The following PKHD1L1 variants were observed in gnomAD, a reference collection of about 807,000 sequenced individuals.
The protein encoded by PKHD1L1 is PKHD1 like 1.
A neutral mutation model predicts 462.9 loss-of-function variants in PKHD1L1; 434 were observed. The observed-to-expected ratio is 0.94, with a 90% confidence interval of 0.87 to 1.02. PKHD1L1 has a LOEUF of 1.02. Among genes scored for constraint, PKHD1L1 ranks in the 50% least tolerant of loss-of-function variants. PKHD1L1 has a pLI of 0.00. For synonymous variants in PKHD1L1, 1,781 were observed against 1,750.0 expected (o/e 1.02, Z -0.44); for missense variants, 5,202 against 5,096.1 (o/e 1.02, Z -0.63).
chr8:109,496,838 TAACTTTA>T (rs1358355526), intron 63 of PKHD1L1, 74 bp from the exon 64 acceptor site: 1 of 1,418,460 alleles, frequency 7.0e-7, no homozygotes, highest in Non-Finnish European at 9.6e-7. Context: ...AGAATTTTGT[TAACTTTA>T]ACTGATACTG....
At chr8:109,389,653 G>A (rs778193073) in intron 8 of PKHD1L1, among the ~76,000 whole-genome samples, 5 of 151,926 alleles carry the variant, frequency 3.3e-5, no homozygotes, top group South Asian at 2.1e-4. Context: ...TCAGCTTCCC[G>A]AGTAGCCGGG....
intron 10 of PKHD1L1, 99 bp from the exon 11 acceptor site, chr8:109,395,928 T>G: frequency 9.5e-6 from 7 of 733,368 alleles, no homozygotes; most frequent in Non-Finnish European, 1.6e-5. Flanking sequence ...CTACCTGTGT[T>G]AGGCACTATG....
At position 109,451,087 on chromosome 8, in the gene PKHD1L1, A is replaced by G. The variant is rs776896774; in HGVS notation, c.6288A>G (p.Val2096=). 13 of 1,613,724 alleles carry G rather than the reference A, an allele frequency of 8.1e-6. No individual in the cohort carries two copies. The Admixed American group carries it at 2.2e-4, about 27-fold the overall frequency. The part of the protein sequence containing the change: ...AVSLTPLITA[V]SPKRGSTAGG... Reference sequence around the variant, plus strand: ...CACTGACTCCACTCATCACTGCAGTATCTCCTAAGAGAGGCAGTACAGCAG... The same window carrying G: ...CACTGACTCCACTCATCACTGCAGTGTCTCCTAAGAGAGGCAGTACAGCAG... Residue 2096 remains valine, a synonymous_variant, in exon 41 of 78, where the codon GTA becomes GTG. Coordinates refer to ENST00000378402, the MANE Select transcript of PKHD1L1 (RefSeq NM_177531.6).
intron 2 of PKHD1L1, among the ~76,000 whole-genome samples, chr8:109,370,417 G>T (rs1811441257): frequency 6.6e-6 from 1 of 151,838 alleles, no homozygotes; most frequent in Non-Finnish European, 1.5e-5. Context: ...CCTGGCCTCT[G>T]TGTTATTTTT....
Position 109,476,560 on chromosome 8 carries a change from T to A in PKHD1L1, c.8810T>A (p.Phe2937Tyr). The A allele has an allele frequency of 6.5e-7, 1 of 1,547,294 alleles. No homozygotes were observed. Among genetic ancestry groups the A allele is most frequent in the East Asian group, 2.3e-5 (1 of 43,212 alleles). The change falls in exon 52 of 78, where the codon TTT becomes TAT. Residue 2937 changes from phenylalanine (F) to tyrosine (Y), a missense_variant. Physicochemically the swap from Phe to Tyr is conservative, Grantham distance 22 (BLOSUM62 3). Coordinates refer to ENST00000378402, the MANE Select transcript of PKHD1L1 (RefSeq NM_177531.6). ...SHNFTQNPDMFNIIDMRNGSS... is the reference protein window; with the variant it reads ...SHNFTQNPDMYNIIDMRNGSS... ...AACTTCACTCAAAATCCTGACATGT[T>A]TAATATTATTGATATGAGGAATGGT...
intron 38 of PKHD1L1, among the ~76,000 whole-genome samples, chr8:109,447,646 C>T (rs1816227909): frequency 6.6e-6 from 1 of 152,182 alleles, no homozygotes; most frequent in Non-Finnish European, 1.5e-5. Flanking sequence ...CTATCTTACA[C>T]CCATTTACAT....
In PKHD1L1 at chr8:109,477,246, A is replaced by T; in HGVS notation, c.8939A>T (p.His2980Leu). The T allele has an allele frequency of 6.2e-7, 1 of 1,613,322 alleles. No individual in the cohort carries two copies. Among genetic ancestry groups the T allele is most frequent in the Non-Finnish European group, 8.5e-7 (1 of 1,179,572 alleles). Residue 2980 changes from histidine to leucine, a missense_variant, in exon 53 of 78, where the codon CAT becomes CTT. Transcript: ENST00000378402. ...YYLVSGRNDL[H>L]QSQLISGNLD... is the part of the protein sequence containing the mutation. ...TCAGTGTCAGGAAGAAATGACCTTC[A>T]TCAGAGTCAGCTCATTTCTGGGAAC...
chr8:109,396,108 C>G lies in PKHD1L1; in HGVS notation c.893C>G (p.Thr298Arg), dbSNP rs867962820. The G allele has an allele frequency of 1.1e-5, 18 of 1,608,626 alleles. No individual in the cohort carries two copies. The highest frequency in any genetic ancestry group is 1.4e-5 in the Non-Finnish European group (17 of 1,177,624). Residue 298 changes from threonine (T) to arginine (R), a missense_variant, in exon 11 of 78, where the codon ACA becomes AGA. Transcript: ENST00000378402. ...LTISGRFFDQ[T>R]DFPVRVLVGG... ...ATAAGTGGGCGTTTCTTTGATCAGA[C>G]AGATTTCCCCGTCAGAGTTCTAGTT... is the stretch of plus-strand genomic sequence containing the variant.
chr8:109,437,974 A>T (rs777416785), intron 30 of PKHD1L1, among the ~76,000 whole-genome samples: 7 of 152,304 alleles, frequency 4.6e-5, no homozygotes, highest in Non-Finnish European at 1.0e-4. Flanking sequence ...ATACCTGTCT[A>T]TTTTAAAAGC....
At chr8:109,376,380 T>C (rs1335340097) in intron 2 of PKHD1L1, among the ~76,000 whole-genome samples, 1 of 152,160 alleles carries the variant, frequency 6.6e-6, no homozygotes, top group African/African-American at 2.4e-5. Context: ...GTGACCTGAT[T>C]TTCCAGGTGC....
intron 71 of PKHD1L1, among the ~76,000 whole-genome samples, chr8:109,512,353 A>G (rs890441153): frequency 1.3e-5 from 2 of 151,328 alleles, no homozygotes; most frequent in African/African-American, 4.8e-5. Context: ...TCTTTAATCC[A>G]TCTTGAATTA....
At chr8:109,412,558 G>C (rs1241511816) in intron 20 of PKHD1L1, 144 bp downstream of exon 20, 1 of 805,746 alleles carries the variant, frequency 1.2e-6, no homozygotes, top group East Asian at 2.7e-5. Flanking sequence ...CATTCTGGGT[G>C]CTTGTGGTTT....
At chr8:109,505,237 C>T (rs1202040727) in intron 68 of PKHD1L1, among the ~76,000 whole-genome samples, 1 of 151,968 alleles carries the variant, frequency 6.6e-6, no homozygotes, top group Non-Finnish European at 1.5e-5. Flanking sequence ...AGAGATATCT[C>T]TTATTATTTC....
intron 45 of PKHD1L1, 90 bp downstream of exon 45, chr8:109,454,942 T>C: frequency 7.0e-7 from 1 of 1,423,474 alleles, no homozygotes. Context: ...TAATTTATCC[T>C]GTGATAAAGT....
chr8:109,436,587 G>A, intron 30 of PKHD1L1, 128 bp downstream of exon 30: 2 of 1,422,206 alleles, frequency 1.4e-6, no homozygotes, highest in Admixed American at 5.8e-5. Flanking sequence ...TTTCTATTAT[G>A]CTCCTTAAAA....
Position 109,438,457 on chromosome 8 carries a change from G to A in PKHD1L1, c.3760+1G>A, listed in dbSNP as rs1457385395. Reference sequence around the variant, plus strand: ...AGTCCAAAAGTACGAACAATACTAGGTAAGAAATTCTTCAATAAGATTGGT... The same window carrying A: ...AGTCCAAAAGTACGAACAATACTAGATAAGAAATTCTTCAATAAGATTGGT... On this transcript the variant is annotated splice_donor_variant, in intron 31 of 77. Transcript: ENST00000378402. LOFTEE classifies it high-confidence loss of function. 3 of 1,532,086 alleles carry A rather than the reference G, an allele frequency of 2.0e-6. No individual in the cohort carries two copies. The highest frequency in any genetic ancestry group is 2.8e-5 in the African/African-American group (2 of 72,162). The allele number at this position is 1,532,086 out of a possible 1,614,324, so 94.9% of individuals were successfully genotyped here.
At chr8:109,385,719 A>T in intron 6 of PKHD1L1, 89 bp downstream of exon 6, 1 of 804,202 alleles carries the variant, frequency 1.2e-6, no homozygotes, top group Non-Finnish European at 1.8e-6. Flanking sequence ...ATTAAATCCC[A>T]TTACAATGTA....
intron 24 of PKHD1L1, among the ~76,000 whole-genome samples, chr8:109,425,979 A>G (rs1046750439): frequency 6.6e-6 from 1 of 152,176 alleles, no homozygotes; most frequent in African/African-American, 2.4e-5. Flanking sequence ...CACATTATTT[A>G]TCAGTTGTAC....
intron 40 of PKHD1L1, 136 bp from the exon 41 acceptor site, chr8:109,450,839 C>T: frequency 1.2e-6 from 1 of 820,066 alleles, no homozygotes; most frequent in Non-Finnish European, 1.8e-6. Context: ...CACTATTATT[C>T]ACATGTAGCC....
Sources: gnomAD v4.1 joint callset for allele counts (sites outside exome capture counted in the v4.1 genomes callset) on GRCh38, gnomAD v4.1.1 for gene constraint, MANE v1.5 for transcripts, NCBI Gene and HGNC (gene_info 2026-07-23, HGNC 2026-07-21) for gene names.